The following ADGRB3 variants were observed in gnomAD, a reference collection of about 807,000 sequenced individuals.
ADGRB3 encodes adhesion G protein-coupled receptor B3.
Under a neutral mutation model 193.4 loss-of-function variants are expected in ADGRB3, and 37 were observed. The ratio of observed to expected loss-of-function variants is 0.19; its 90% CI spans 0.15 to 0.25. ADGRB3 has a LOEUF of 0.25. ADGRB3 is among the 10% of genes least tolerant of loss of function. ADGRB3 has a pLI of 1.00. For missense variants in ADGRB3, 1,637 were observed against 1,852.9 expected (o/e 0.88, Z 2.14); for synonymous variants, 690 against 644.2 (o/e 1.07, Z -1.08).
In ADGRB3 at chr6:69,030,956, TTTTTCTTTTC is replaced by T. The variant is rs367785089; in HGVS notation, c.2107+12486_2107+12495del. On this transcript the variant is annotated intron_variant, in intron 13 of 31. Coordinates refer to ENST00000370598, the MANE Select transcript of ADGRB3 (RefSeq NM_001704.3). ...GGTTTTAATTTTCTTTTCTTTTCTT[TTTTTCTTTTC>T]TTTTCTTTTCTTTTCTTTTCTTTTC... 8.6e-3 allele frequency among the ~76,000 whole-genome samples: 625 copies of T among 72,422 alleles called. 74 individuals are homozygous for T. The highest frequency in any genetic ancestry group is 0.053 in the East Asian group (215 of 4,076). The allele number at this position is 72,422 out of a possible 152,430, so 47.5% of individuals were successfully genotyped here. A position where few individuals can be genotyped will look rare whatever the true frequency, so the allele number is the denominator to read the frequency against.
intron 20 of ADGRB3, among the ~76,000 whole-genome samples, chr6:69,255,810 T>G (rs950298851): frequency 6.6e-6 from 1 of 152,214 alleles, no homozygotes; most frequent in African/African-American, 2.4e-5. Flanking sequence ...TGCCTAGGTT[T>G]TCTTCTAAGG....
At chr6:68,801,261 T>C (rs112000588) in intron 3 of ADGRB3, among the ~76,000 whole-genome samples, 11 of 152,330 alleles carry the variant, frequency 7.2e-5, no homozygotes, top group African/African-American at 2.6e-4. Context: ...TGTCATCCTT[T>C]ACTCTTAGAG....
chr6:69,228,382 G>A (rs1766063251), intron 17 of ADGRB3, among the ~76,000 whole-genome samples: 1 of 152,200 alleles, frequency 6.6e-6, no homozygotes, highest in South Asian at 2.1e-4. Flanking sequence ...TTCTCATATG[G>A]CATGTAGAGT....
At chr6:69,367,420 T>A (rs532708380) in intron 29 of ADGRB3, among the ~76,000 whole-genome samples, 3 of 152,098 alleles carry the variant, frequency 2.0e-5, no homozygotes, top group African/African-American at 7.2e-5. Flanking sequence ...TAGTTCTAGA[T>A]CCCTGAGGAA....
At chr6:69,121,595 G>A (rs978952911) in intron 17 of ADGRB3, among the ~76,000 whole-genome samples, 76 of 151,370 alleles carry the variant, frequency 5.0e-4, no homozygotes, top group Middle Eastern at 3.5e-3. Context: ...ATGGGGCAGC[G>A]GGACAGAGGC....
rs531065736 is a variant in ADGRB3, at chr6:69,346,863, G to T, written c.3459+7359G>T. ...CAATCCCATTACTGGGGTACATACC[G>T]AAAGGATTATACATCACTCAGCTTG... On this transcript the variant is annotated intron_variant, in intron 26 of 31. Coordinates refer to ENST00000370598, the MANE Select transcript of ADGRB3 (RefSeq NM_001704.3). Among the ~76,000 whole-genome samples the T allele has an allele frequency of 8.5e-5, 13 of 152,126 alleles. No individual in the cohort carries two copies. The South Asian group carries it at 2.3e-3, about 27-fold the overall frequency.
At chr6:69,276,881 C>T (rs1310238082) in intron 20 of ADGRB3, among the ~76,000 whole-genome samples, 1 of 151,942 alleles carries the variant, frequency 6.6e-6, no homozygotes, top group Non-Finnish European at 1.5e-5. Flanking sequence ...TGCTTATCTC[C>T]AAACTCATCA....
chr6:68,849,971 G>A (rs1370561173), intron 3 of ADGRB3, among the ~76,000 whole-genome samples: 1 of 147,640 alleles, frequency 6.8e-6, no homozygotes, highest in Non-Finnish European at 1.5e-5. Flanking sequence ...AACTTTATTG[G>A]ATTCCTGTTT....
At chr6:69,017,396 A>C (rs1353819097) in intron 12 of ADGRB3, among the ~76,000 whole-genome samples, 2 of 151,932 alleles carry the variant, frequency 1.3e-5, no homozygotes, top group African/African-American at 4.8e-5. Context: ...GGCCACAAGA[A>C]ATTAACCTGA....
chr6:68,709,468 A>G (rs545370793), intron 3 of ADGRB3, among the ~76,000 whole-genome samples: 1 of 152,344 alleles, frequency 6.6e-6, no homozygotes, highest in Non-Finnish European at 1.5e-5. Flanking sequence ...AACAATAGGT[A>G]ACTTGAATAC....
At chr6:69,122,186 C>T (rs926574468) in intron 17 of ADGRB3, among the ~76,000 whole-genome samples, 7 of 152,006 alleles carry the variant, frequency 4.6e-5, no homozygotes, top group African/African-American at 4.8e-5. Context: ...GGCGAGACTC[C>T]GTCTGCAATC....
At chr6:69,240,211 A>C (rs62406853) in intron 20 of ADGRB3, among the ~76,000 whole-genome samples, 6,992 of 152,116 alleles carry the variant, frequency 0.046, 226 homozygotes, top group Non-Finnish European at 0.071. Context: ...GCCCAATTCT[A>C]GGTCCGGGTA....
At chr6:68,740,772 T>C (rs954329572) in intron 3 of ADGRB3, among the ~76,000 whole-genome samples, 2 of 152,206 alleles carry the variant, frequency 1.3e-5, no homozygotes, top group East Asian at 3.8e-4. Context: ...TTGGTGTATC[T>C]ATAGAAGGAT....
intron 17 of ADGRB3, among the ~76,000 whole-genome samples, chr6:69,219,459 ACG>A (rs1491561741): frequency 2.9e-5 from 3 of 104,494 alleles, no homozygotes; most frequent in African/African-American, 6.0e-5. Flanking sequence ...ATACACACAC[ACG>A]TATATATATA....
intron 17 of ADGRB3, among the ~76,000 whole-genome samples, chr6:69,126,693 A>G (rs904501096): frequency 5.3e-5 from 8 of 151,298 alleles, no homozygotes; most frequent in African/African-American, 1.9e-4. Flanking sequence ...TTCCAGAAAT[A>G]CCCTCACAGA....
At chr6:69,193,912 G>A (rs903839731) in intron 17 of ADGRB3, among the ~76,000 whole-genome samples, 1 of 151,984 alleles carries the variant, frequency 6.6e-6, no homozygotes, top group African/African-American at 2.4e-5. Context: ...GGGCAAAAAA[G>A]TGAAGCTCTA....
chr6:68,736,871 T>G (rs1210180259), intron 3 of ADGRB3, among the ~76,000 whole-genome samples: 1 of 152,078 alleles, frequency 6.6e-6, no homozygotes, highest in Non-Finnish European at 1.5e-5. Context: ...TCACTACTAA[T>G]AGTTGCTTTA....
chr6:68,664,736 TCA>T (rs1768757272), intron 3 of ADGRB3, among the ~76,000 whole-genome samples: 1 of 151,838 alleles, frequency 6.6e-6, no homozygotes, highest in East Asian at 1.9e-4. Context: ...GCCCAGGGAT[TCA>T]CAGTGGTAGA....
intron 17 of ADGRB3, among the ~76,000 whole-genome samples, chr6:69,077,200 G>T: frequency 6.6e-6 from 1 of 151,518 alleles, no homozygotes; most frequent in African/African-American, 2.4e-5. Flanking sequence ...TTTCTTTTTG[G>T]AACTTTACAG....
Sources: gnomAD v4.1 joint callset for allele counts (sites outside exome capture counted in the v4.1 genomes callset) on GRCh38, gnomAD v4.1.1 for gene constraint, MANE v1.5 for transcripts, NCBI Gene and HGNC (gene_info 2026-07-23, HGNC 2026-07-21) for gene names.